Variants in CTNNA3 observed in about 807,000 individuals in gnomAD.
CTNNA3 encodes the protein catenin alpha 3.
Under a neutral mutation model 95.7 loss-of-function variants are expected in CTNNA3, and 76 were observed. The ratio of observed to expected loss-of-function variants is 0.79; its 90% CI spans 0.66 to 0.96. The LOEUF is 0.96. Among genes scored for constraint, CTNNA3 ranks in the 40% least tolerant of loss-of-function variants. The pLI is 0.00. For missense variants in CTNNA3, 1,191 were observed against 1,089.8 expected (o/e 1.09, Z -1.31); for synonymous variants, 431 against 374.4 (o/e 1.15, Z -1.74).
At chr10:67,556,385 G>A (rs1382295485) in intron 3 of CTNNA3, among the ~76,000 whole-genome samples, 1 of 152,102 alleles carries the variant, frequency 6.6e-6, no homozygotes, top group African/African-American at 2.4e-5. Flanking sequence ...ATCTGGTCCT[G>A]GAATTTTTTT....
intron 12 of CTNNA3, among the ~76,000 whole-genome samples, chr10:66,293,395 AGAGTT>A (rs1014824021): frequency 6.8e-4 from 103 of 152,104 alleles, no homozygotes; most frequent in African/African-American, 2.3e-3. Flanking sequence ...GAGAAAAAGT[AGAGTT>A]GAGATTGTAA....
intron 1 of CTNNA3, among the ~76,000 whole-genome samples, chr10:67,671,817 C>T (rs1840440597): frequency 6.6e-6 from 1 of 151,904 alleles, no homozygotes; most frequent in Non-Finnish European, 1.5e-5. Flanking sequence ...CCACAATAAA[C>T]ATACGTGTGC....
intron 13 of CTNNA3, among the ~76,000 whole-genome samples, chr10:66,184,928 C>T (rs2086250823): frequency 6.6e-6 from 1 of 152,092 alleles, no homozygotes; most frequent in South Asian, 2.1e-4. Context: ...ATCTGATGTG[C>T]AGAACAACAC....
chr10:67,074,902 T>C (rs1358348041), intron 7 of CTNNA3, among the ~76,000 whole-genome samples: 3 of 152,126 alleles, frequency 2.0e-5, no homozygotes, highest in Admixed American at 6.5e-5. Flanking sequence ...ATTAAAATGG[T>C]CTATATTTAA....
intron 12 of CTNNA3, among the ~76,000 whole-genome samples, chr10:66,289,768 T>C (rs2091648393): frequency 6.6e-6 from 1 of 152,032 alleles, no homozygotes; most frequent in Non-Finnish European, 1.5e-5. Flanking sequence ...TACAAGAAAA[T>C]GAAGTTTTAT....
At chr10:66,666,900 T>C (rs1033342873) in intron 9 of CTNNA3, among the ~76,000 whole-genome samples, 2 of 152,068 alleles carry the variant, frequency 1.3e-5, no homozygotes, top group African/African-American at 4.8e-5. Flanking sequence ...GTATTCAAAT[T>C]TCATTGGGGA....
intron 6 of CTNNA3, among the ~76,000 whole-genome samples, chr10:67,196,470 TAATA>T (rs1834853688): frequency 6.6e-6 from 1 of 152,082 alleles, no homozygotes; most frequent in Non-Finnish European, 1.5e-5. Context: ...CAATTAAATA[TAATA>T]CATACAGACT....
At chr10:67,618,409 C>A (rs888580683) in intron 2 of CTNNA3, among the ~76,000 whole-genome samples, 4 of 152,242 alleles carry the variant, frequency 2.6e-5, no homozygotes, top group African/African-American at 9.6e-5. Flanking sequence ...CATTTACAAC[C>A]CTATCAACCA....
At chr10:67,234,855 C>G (rs1865380645) in intron 5 of CTNNA3, among the ~76,000 whole-genome samples, 1 of 149,528 alleles carries the variant, frequency 6.7e-6, no homozygotes, top group African/African-American at 2.5e-5. Flanking sequence ...CACAAGCATT[C>G]TTATACACCA....
At chr10:66,149,031 A>T (rs987264221) in intron 13 of CTNNA3, among the ~76,000 whole-genome samples, 37 of 151,162 alleles carry the variant, frequency 2.4e-4, no homozygotes, top group Admixed American at 1.2e-3. Flanking sequence ...ATTAACTGTA[A>T]TTTAACTACG....
At chr10:66,763,307 A>AACACAC (rs138081667) in intron 9 of CTNNA3, among the ~76,000 whole-genome samples, 5 of 145,336 alleles carry the variant, frequency 3.4e-5, no homozygotes, top group African/African-American at 5.1e-5. Flanking sequence ...TCATGAGATA[A>AACACAC]ACACACACAC....
intron 1 of CTNNA3, among the ~76,000 whole-genome samples, chr10:67,691,645 C>G (rs1220417030): frequency 6.6e-6 from 1 of 150,738 alleles, no homozygotes; most frequent in East Asian, 2.0e-4. Flanking sequence ...GTGAGGAGCC[C>G]CTCCGCCCGG....
chr10:66,996,762 C>G (rs148781331), intron 7 of CTNNA3, among the ~76,000 whole-genome samples: 1 of 147,888 alleles, frequency 6.8e-6, no homozygotes, highest in Non-Finnish European at 1.5e-5. Flanking sequence ...AAAAAAATTT[C>G]TAAGGGTATG....
At chr10:66,101,727 T>A (rs1185589633) in intron 14 of CTNNA3, among the ~76,000 whole-genome samples, 1 of 152,252 alleles carries the variant, frequency 6.6e-6, no homozygotes, top group East Asian at 1.9e-4. Context: ...ACAAAATATT[T>A]TACATAATAT....
rs1491255116 is a variant in CTNNA3, at chr10:66,421,898, A to ATGTG, written c.1532-42547_1532-42546insCACA. On this transcript the variant is annotated intron_variant, in intron 11 of 17. Transcript: ENST00000433211. ...TTCTAAGAGCTTCATAATAAATGTG[A>ATGTG]TATATATATATATATATACACACAC... Among the ~76,000 whole-genome samples, 317 of 39,488 alleles carry ATGTG rather than the reference A, an allele frequency of 8.0e-3. 5 individuals carry two copies. Among genetic ancestry groups the ATGTG allele is most frequent in the Middle Eastern group, 0.026 (2 of 78 alleles). The allele number at this position is 39,488 out of a possible 152,430, so 25.9% of individuals were successfully genotyped here.
intron 1 of CTNNA3, among the ~76,000 whole-genome samples, chr10:67,716,954 C>T (rs1241723584): frequency 1.3e-5 from 2 of 152,222 alleles, no homozygotes; most frequent in Non-Finnish European, 2.9e-5. Context: ...TAAAGGCATT[C>T]CTATTTCTCC....
In CTNNA3 at chr10:66,952,560, C is replaced by T. The variant is rs573364697; in HGVS notation, c.1048-177036G>A. On this transcript the variant is annotated intron_variant, in intron 7 of 17. Coordinates refer to ENST00000433211, the MANE Select transcript of CTNNA3 (RefSeq NM_013266.4). ...ATTTATGTGTGTGTGTGTGGAGGCA[C>T]GCACACATGCATGTGCATCATGATG... Among the ~76,000 whole-genome samples the T allele has an allele frequency of 7.9e-5, 12 of 152,032 alleles. No homozygotes were observed. The East Asian group carries it at 1.2e-3, about 15-fold the overall frequency.
intron 7 of CTNNA3, among the ~76,000 whole-genome samples, chr10:66,967,823 T>C (rs4746650): frequency 0.98 from 148,914 of 152,088 alleles, 72,994 homozygotes; most frequent in East Asian, 1. Context: ...AAAGAATATA[T>C]CCCCTCGAAA....
intron 15 of CTNNA3, among the ~76,000 whole-genome samples, chr10:66,020,838 AT>A (rs896352776): frequency 2.6e-5 from 4 of 151,442 alleles, no homozygotes; most frequent in African/African-American, 9.7e-5. Context: ...TACCCAGCTA[AT>A]TTTTTTTGTA....
Sources: allele counts gnomAD v4.1 joint callset (sites outside exome capture counted in the v4.1 genomes callset), GRCh38; gene constraint gnomAD v4.1.1; transcripts MANE v1.5; gene names NCBI Gene and HGNC (gene_info 2026-07-23, HGNC 2026-07-21).